Variants in TRPV1 observed in about 807,000 individuals in gnomAD.
TRPV1 encodes the protein transient receptor potential cation channel subfamily V member 1.
Under a neutral mutation model 82.3 loss-of-function variants are expected in TRPV1, and 82 were observed. The ratio of observed to expected loss-of-function variants is 1.00; its 90% CI spans 0.83 to 1.20. TRPV1 has a LOEUF of 1.20. TRPV1 is among the 50% of genes most tolerant of loss of function. The pLI is 0.00. For missense variants in TRPV1, 1,067 were observed against 1,096.8 expected (o/e 0.97, Z 0.38); for synonymous variants, 515 against 467.7 (o/e 1.10, Z -1.30).
chr17:3,583,339 C>A lies in TRPV1; in HGVS notation c.1475G>T (p.Gly492Val). Residue 492 changes from glycine to valine, a missense_variant and splice_region_variant, in exon 10 of 17, where the codon GGG (glycine) becomes GTG (valine). Gly to Val is a moderately radical substitution (Grantham distance 109). Coordinates refer to ENST00000572705, the MANE Select transcript of TRPV1 (RefSeq NM_080704.4). ...VLGGVYFFFR[G>V]IQYFLQRRPS... is the part of the protein sequence containing the mutation. The stretch of plus-strand genomic sequence containing the variant: ...CACAATGTGGGAAGGAACGCTTACC[C>A]CTCGGAAAAAGAAGTAGACTCCTCC... 1 of 1,606,612 alleles carries A rather than the reference C, an allele frequency of 6.2e-7. No individual in the cohort carries two copies.
At position 3,580,492 on chromosome 17, in the gene TRPV1, C is replaced by T. The variant is rs1189195772; in HGVS notation, c.1512G>A (p.Lys504=). 1 of 1,614,030 alleles carries T rather than the reference C, an allele frequency of 6.2e-7. No homozygotes were observed. The highest frequency in any genetic ancestry group is 1.7e-5 in the Admixed American group (1 of 60,022). ...QYFLQRRPSM[K]TLFVDSYSEM... ...CACTGTAGCTGTCCACAAACAGGGTCTTCATCGACGGCCGCCTCTGCAGGA... is the reference window on the plus strand; with the variant it reads ...CACTGTAGCTGTCCACAAACAGGGTTTTCATCGACGGCCGCCTCTGCAGGA... Residue 504 remains lysine, a synonymous_variant, in exon 11 of 17, where the codon AAG becomes AAA. Transcript: ENST00000572705.
intron 10 of TRPV1, among the ~76,000 whole-genome samples, chr17:3,581,143 G>A (rs1181750185): frequency 6.9e-6 from 1 of 144,214 alleles, no homozygotes; most frequent in African/African-American, 2.5e-5. Flanking sequence ...TCTAATTGGA[G>A]CTTTTTCCTA....
At chr17:3,572,356 G>A (rs893448000) in intron 14 of TRPV1, 107 bp from the exon 15 acceptor site, 2 of 1,398,750 alleles carry the variant, frequency 1.4e-6, no homozygotes, top group African/African-American at 1.4e-5. Context: ...AGGCCTAGAT[G>A]CCTCCAGGGT....
At chr17:3,594,864 G>A (rs1255578192) in intron 2 of TRPV1, among the ~76,000 whole-genome samples, 1 of 152,188 alleles carries the variant, frequency 6.6e-6, no homozygotes, top group Admixed American at 6.5e-5. Context: ...GCCTGGGAAG[G>A]GAACAGAGGT....
intron 16 of TRPV1, among the ~76,000 whole-genome samples, chr17:3,571,247 G>A (rs1429994982): frequency 6.6e-6 from 1 of 152,174 alleles, no homozygotes; most frequent in Non-Finnish European, 1.5e-5. Context: ...CGTCCCCTGG[G>A]GCGCTGAGGA....
chr17:3,592,378 T>C lies in TRPV1; in HGVS notation c.-28A>G. 1.3e-6 allele frequency: 2 copies of C among 1,566,244 alleles called. No individual in the cohort carries two copies. The highest frequency in any genetic ancestry group is 2.3e-5 in the East Asian group (1 of 42,798). ...TTGCTGGATCCTCTGTGGCCCAGTGTGCAACCTGCAGCAGCCACCACGCCG... is the reference window on the plus strand; with the variant it reads ...TTGCTGGATCCTCTGTGGCCCAGTGCGCAACCTGCAGCAGCCACCACGCCG... On this transcript the variant is annotated 5_prime_UTR_variant, in exon 3 of 17. Transcript: ENST00000572705.
chr17:3,572,472 G>A (rs2150826448), intron 14 of TRPV1, among the ~76,000 whole-genome samples: 1 of 152,300 alleles, frequency 6.6e-6, no homozygotes, highest in Non-Finnish European at 1.5e-5. Context: ...AGGTGCCACT[G>A]GTGCCTGCCG....
At chr17:3,607,580 A>G (rs1360632180) in intron 2 of TRPV1, among the ~76,000 whole-genome samples, 1 of 146,414 alleles carries the variant, frequency 6.8e-6, no homozygotes, top group Non-Finnish European at 1.5e-5. Flanking sequence ...TCTGTCACCC[A>G]GGCTAGAGTG....
intron 2 of TRPV1, among the ~76,000 whole-genome samples, chr17:3,607,842 A>G (rs2150862744): frequency 6.6e-6 from 1 of 152,194 alleles, no homozygotes; most frequent in South Asian, 2.1e-4. Flanking sequence ...CAGCCAAAGT[A>G]GAACGGTTTT....
At chr17:3,583,518 C>T in intron 9 of TRPV1, 88 bp from the exon 10 acceptor site, 2 of 1,107,092 alleles carry the variant, frequency 1.8e-6, no homozygotes, top group South Asian at 1.4e-5. Context: ...ATAGTCCCTG[C>T]CCAGGAGGCA....
At chr17:3,587,463 C>T (rs1415230464) in intron 8 of TRPV1, among the ~76,000 whole-genome samples, 1 of 152,194 alleles carries the variant, frequency 6.6e-6, no homozygotes, top group African/African-American at 2.4e-5. Flanking sequence ...CACTACGTAA[C>T]ACTAAGACAT....
chr17:3,594,077 G>A (rs1027554978), intron 2 of TRPV1, among the ~76,000 whole-genome samples: 7 of 138,816 alleles, frequency 5.0e-5, no homozygotes, highest in African/African-American at 1.9e-4. Context: ...ACAGTGAGCT[G>A]AGACTGTGCC....
chr17:3,591,458 A>C, intron 3 of TRPV1, 105 bp from the exon 4 acceptor site: 2 of 1,340,334 alleles, frequency 1.5e-6, no homozygotes, highest in Non-Finnish European at 1.0e-6. Flanking sequence ...GCAAACCAAA[A>C]AGGGGAAAAA....
At chr17:3,574,831 G>A (rs2074907998) in intron 13 of TRPV1, among the ~76,000 whole-genome samples, 1 of 151,300 alleles carries the variant, frequency 6.6e-6, no homozygotes, top group Non-Finnish European at 1.5e-5. Flanking sequence ...GGAGGCTGAG[G>A]CAGGAGAATT....
chr17:3,588,830 A>AC lies in TRPV1; in HGVS notation c.1045-464dup, dbSNP rs58427247. ...ACCTCATCTAAAAAAAAAAAAAAAA[A>AC]CAAAACACACAAACGTCAACCAGCC... is the stretch of plus-strand genomic sequence containing the variant. On this transcript the variant is annotated intron_variant, in intron 7 of 16. Transcript: ENST00000572705. 122 of 1,332,038 alleles carry AC rather than the reference A, an allele frequency of 9.2e-5. No individual in the cohort carries two copies. In the African/African-American group the frequency reaches 1.8e-3, roughly 19 times the overall value. 82.5% of individuals were successfully genotyped at this position (1,332,038 alleles called of 1,614,324 possible). A position where few individuals can be genotyped will look rare whatever the true frequency, so the allele number is the denominator to read the frequency against.
At chr17:3,589,740 GT>G in intron 7 of TRPV1, 66 bp downstream of exon 7, 2 of 1,534,318 alleles carry the variant, frequency 1.3e-6, no homozygotes, top group Non-Finnish European at 1.8e-6. Flanking sequence ...CCCGCAGTGA[GT>G]CAGGCAGTCC....
chr17:3,591,852 T>C (rs1303678252), intron 3 of TRPV1, among the ~76,000 whole-genome samples: 1 of 152,166 alleles, frequency 6.6e-6, no homozygotes, highest in Non-Finnish European at 1.5e-5. Context: ...CTGGTAGGCA[T>C]TGCGGGCGTG....
At chr17:3,607,475 T>C (rs1429836261) in intron 2 of TRPV1, among the ~76,000 whole-genome samples, 2 of 152,090 alleles carry the variant, frequency 1.3e-5, no homozygotes, top group Non-Finnish European at 2.9e-5. Flanking sequence ...TACATATCTG[T>C]AATATAATTT....
At chr17:3,569,106 G>A (rs371684172) in intron 16 of TRPV1, among the ~76,000 whole-genome samples, 11 of 152,088 alleles carry the variant, frequency 7.2e-5, no homozygotes, top group East Asian at 1.9e-4. Flanking sequence ...ATCACACACC[G>A]GGGCCTGTTG....
Sources: allele counts gnomAD v4.1 joint callset (sites outside exome capture counted in the v4.1 genomes callset), GRCh38; gene constraint gnomAD v4.1.1; transcripts MANE v1.5; gene names NCBI Gene and HGNC (gene_info 2026-07-23, HGNC 2026-07-21).